The following UBE2E3 variants were observed in gnomAD, a reference collection of about 807,000 sequenced individuals.
UBE2E3 encodes the protein ubiquitin conjugating enzyme E2 E3.
Under a neutral mutation model 23.6 loss-of-function variants are expected in UBE2E3, and 5 were observed. That is an observed-to-expected ratio of 0.21 (90% CI 0.11 to 0.44). The LOEUF (loss-of-function observed/expected upper bound fraction) is 0.44, where lower values mean the gene tolerates loss of function less well. UBE2E3 is among the 20% of genes least tolerant of loss of function. The probability of loss-of-function intolerance (pLI) is 0.99; values close to 1 mark genes in which losing one functional copy is unlikely to be tolerated. For missense variants in UBE2E3, 81 were observed against 249.8 expected, an observed-to-expected ratio of 0.32 and a Z score of 4.55; for synonymous variants, 78 against 87.5, an observed-to-expected ratio of 0.89 and a Z score of 0.60.
intron 3 of UBE2E3, among the ~76,000 whole-genome samples, chr2:181,021,582 C>CCCTCCCTCCCTT (rs1685688128): frequency 1.7e-5 from 1 of 58,230 alleles, no homozygotes; most frequent in African/African-American, 6.6e-5. Flanking sequence ...CTCCCTCCCT[C>CCCTCCCTCCCTT]CCTTCCTTCC....
chr2:180,987,315 T>G (rs1485611392), intron 3 of UBE2E3: 1 of 1,549,014 alleles, frequency 6.5e-7, no homozygotes, highest in Non-Finnish European at 8.7e-7. Flanking sequence ...TATTAAGACA[T>G]TTACTTTCCA....
At chr2:181,022,072 A>G (rs1685720637) in intron 3 of UBE2E3, among the ~76,000 whole-genome samples, 1 of 152,228 alleles carries the variant, frequency 6.6e-6, no homozygotes, top group Non-Finnish European at 1.5e-5. Context: ...TGCAGTACAG[A>G]TGTAATAAGA....
intron 3 of UBE2E3, among the ~76,000 whole-genome samples, chr2:181,007,499 TG>T (rs1227783257): frequency 1.5e-5 from 2 of 131,512 alleles, no homozygotes; most frequent in Non-Finnish European, 3.3e-5. Flanking sequence ...TAAGTATAAT[TG>T]TTTTTTTTTT....
At chr2:181,022,805 A>C (rs567514815) in intron 3 of UBE2E3, among the ~76,000 whole-genome samples, 1 of 152,086 alleles carries the variant, frequency 6.6e-6, no homozygotes, top group South Asian at 2.1e-4. Context: ...TGCCTTGTTC[A>C]ACCTCAGCTG....
intron 3 of UBE2E3, among the ~76,000 whole-genome samples, chr2:180,993,001 A>G (rs981369614): frequency 2.6e-5 from 4 of 152,208 alleles, no homozygotes; most frequent in Non-Finnish European, 4.4e-5. Flanking sequence ...GATGACATTA[A>G]TGAGTTTTAT....
chr2:180,990,525 A>G (rs555165584), intron 3 of UBE2E3, among the ~76,000 whole-genome samples: 3 of 152,292 alleles, frequency 2.0e-5, no homozygotes, highest in Admixed American at 1.3e-4. Flanking sequence ...CGTAGTTTAC[A>G]TATGTCTTAT....
intron 3 of UBE2E3, among the ~76,000 whole-genome samples, chr2:180,999,974 G>GA (rs1478747298): frequency 6.6e-6 from 1 of 152,162 alleles, no homozygotes; most frequent in Non-Finnish European, 1.5e-5. Flanking sequence ...GTAATAACAA[G>GA]ATATACTTTT....
chr2:180,994,759 A>T (rs1026578561), intron 3 of UBE2E3, among the ~76,000 whole-genome samples: 2 of 152,204 alleles, frequency 1.3e-5, no homozygotes, highest in Non-Finnish European at 2.9e-5. Context: ...GTAGCCTAGA[A>T]ATAGTGAAAA....
intron 3 of UBE2E3, among the ~76,000 whole-genome samples, chr2:181,021,178 A>T (rs557322559): frequency 1.9e-4 from 29 of 152,310 alleles, no homozygotes; most frequent in Middle Eastern, 3.4e-3. Context: ...ACTACGAAAC[A>T]TGAGATTAGT....
chr2:181,011,845 A>G (rs924457529), intron 3 of UBE2E3, among the ~76,000 whole-genome samples: 1 of 152,176 alleles, frequency 6.6e-6, no homozygotes, highest in Non-Finnish European at 1.5e-5. Context: ...GCAAATGATA[A>G]GGATGGACTG....
In UBE2E3 at chr2:181,005,765, A is replaced by G. The variant is rs557861506; in HGVS notation, c.245+21672A>G. ...TACATTTTTAGCTTTAATCTTTTGT[A>G]TATGTATTTAATATTTTTGTGAATC... On this transcript the variant is annotated intron_variant, in intron 3 of 5. Transcript: ENST00000410062. 5.9e-5 allele frequency among the ~76,000 whole-genome samples: 9 copies of G among 152,178 alleles called. No homozygotes were observed. In the South Asian group the frequency reaches 8.3e-4, roughly 14 times the overall value.
At chr2:181,021,465 TTTTC>T (rs1335825797) in intron 3 of UBE2E3, among the ~76,000 whole-genome samples, 1 of 124,300 alleles carries the variant, frequency 8.0e-6, no homozygotes, top group African/African-American at 3.0e-5. Flanking sequence ...CTCTCTTTCT[TTTTC>T]TCTTTCTTTC....
chr2:180,993,739 A>G (rs1684742983), intron 3 of UBE2E3, among the ~76,000 whole-genome samples: 1 of 152,130 alleles, frequency 6.6e-6, no homozygotes, highest in South Asian at 2.1e-4. Context: ...TAGGTCAAGA[A>G]TCCATTTATT....
At chr2:181,059,302 T>G (rs1025807695) in intron 4 of UBE2E3, among the ~76,000 whole-genome samples, 2 of 151,770 alleles carry the variant, frequency 1.3e-5, no homozygotes, top group Non-Finnish European at 2.9e-5. Context: ...GGATAATAAA[T>G]ATTTAATAGA....
intron 3 of UBE2E3, among the ~76,000 whole-genome samples, chr2:181,005,774 T>G (rs1206004242): frequency 1.3e-5 from 2 of 152,214 alleles, no homozygotes; most frequent in Non-Finnish European, 2.9e-5. Context: ...TATATGTATT[T>G]AATATTTTTG....
chr2:181,040,583 A>T (rs753143464), intron 3 of UBE2E3, among the ~76,000 whole-genome samples: 2 of 152,208 alleles, frequency 1.3e-5, no homozygotes, highest in Non-Finnish European at 2.9e-5. Context: ...TAAACATTTA[A>T]TGTTAGAATG....
At chr2:181,007,615 A>G (rs1394074044) in intron 3 of UBE2E3, among the ~76,000 whole-genome samples, 2 of 152,034 alleles carry the variant, frequency 1.3e-5, no homozygotes, top group Non-Finnish European at 1.5e-5. Flanking sequence ...CCATTGGTTG[A>G]ACTTTGGTCT....
intron 3 of UBE2E3, among the ~76,000 whole-genome samples, chr2:181,011,572 A>C (rs1159883924): frequency 2.0e-5 from 3 of 152,206 alleles, no homozygotes; most frequent in East Asian, 1.9e-4. Flanking sequence ...CTAAGTCAAA[A>C]ATTTTTTAAG....
chr2:180,987,325 A>G (rs982152750), intron 3 of UBE2E3: 154 of 1,549,374 alleles, frequency 9.9e-5, no homozygotes, highest in Non-Finnish European at 1.2e-4. Flanking sequence ...TTTACTTTCC[A>G]TCTGTTTCCC....
Sources: allele counts gnomAD v4.1 joint callset (sites outside exome capture counted in the v4.1 genomes callset), GRCh38; gene constraint gnomAD v4.1.1; transcripts MANE v1.5; gene names NCBI Gene and HGNC (gene_info 2026-07-23, HGNC 2026-07-21).